PYGO1: variants seen among roughly 807,000 people sequenced by gnomAD.
PYGO1 encodes the protein pygopus family PHD finger 1, also known as pygopus homolog 1.
A neutral mutation model predicts 29.5 loss-of-function variants in PYGO1; 6 were observed. The ratio of observed to expected loss-of-function variants is 0.20; its 90% CI spans 0.11 to 0.40. PYGO1 has a LOEUF of 0.40. PYGO1 is among the 10% of genes least tolerant of loss of function. The pLI, the probability that PYGO1 is intolerant of heterozygous loss-of-function variation, is 1.00. For synonymous variants in PYGO1, 186 were observed against 180.5 expected, an observed-to-expected ratio of 1.03 and a Z score of -0.24; for missense variants, 515 against 514.9, an observed-to-expected ratio of 1.00 and a Z score of 0.00.
intron 1 of PYGO1, among the ~76,000 whole-genome samples, chr15:55,583,661 T>C (rs1289369279): frequency 4.6e-5 from 7 of 151,944 alleles, no homozygotes; most frequent in Non-Finnish European, 1.0e-4. Context: ...GGACTACGGG[T>C]GCACACCACC....
chr15:55,585,758 C>T (rs1177538417), intron 1 of PYGO1, among the ~76,000 whole-genome samples: 1 of 152,150 alleles, frequency 6.6e-6, no homozygotes, highest in Admixed American at 6.5e-5. Context: ...TTGATTAGGA[C>T]TGATAATTCA....
At chr15:55,570,842 A>G (rs1035756344) in intron 1 of PYGO1, among the ~76,000 whole-genome samples, 1 of 152,066 alleles carries the variant, frequency 6.6e-6, no homozygotes, top group African/African-American at 2.4e-5. Context: ...TTTTCCTAAT[A>G]TTTTTATGGC....
At chr15:55,577,690 C>G (rs527263652) in intron 1 of PYGO1, among the ~76,000 whole-genome samples, 2 of 151,862 alleles carry the variant, frequency 1.3e-5, no homozygotes, top group East Asian at 3.9e-4. Flanking sequence ...TGAACATTAT[C>G]ATCATCCCCA....
intron 1 of PYGO1, among the ~76,000 whole-genome samples, chr15:55,559,798 T>C (rs914581121): frequency 1.1e-4 from 16 of 152,170 alleles, no homozygotes; most frequent in African/African-American, 3.9e-4. Flanking sequence ...AATAAAATAC[T>C]GGCAAACCAA....
At chr15:55,575,516 C>A (rs146578634) in intron 1 of PYGO1, among the ~76,000 whole-genome samples, 232 of 152,074 alleles carry the variant, frequency 1.5e-3, no homozygotes, top group African/African-American at 5.3e-3. Context: ...AAATCAATCA[C>A]CCTGTTCACA....
Position 55,588,034 on chromosome 15 carries a change from G to A in PYGO1, c.-151C>T. 8.1e-7 allele frequency: 1 copy of A among 1,234,862 alleles called. No homozygotes were observed. The highest frequency in any genetic ancestry group is 1.0e-6 in the Non-Finnish European group (1 of 985,172). The allele number at this position is 1,234,862 out of a possible 1,614,324, so 76.5% of individuals were successfully genotyped here. ...GCCGAGGGCGGTGGGGACGCGGGCC[G>A]ACTTTGCAAAGTTTGGGAGGAGGAC... On this transcript the variant is annotated 5_prime_UTR_variant, in exon 1 of 3. Transcript: ENST00000563719.
At position 55,587,958 on chromosome 15, in the gene PYGO1, C is replaced by T. The variant is rs2059056271; in HGVS notation, c.-75G>A. Reference sequence around the variant, plus strand: ...TTTGATGCTGCGGCGGCGGCTCCTCCTCCTCGCGGGGCCGCTGCGGCTGCG... The same window carrying T: ...TTTGATGCTGCGGCGGCGGCTCCTCTTCCTCGCGGGGCCGCTGCGGCTGCG... On this transcript the variant is annotated 5_prime_UTR_variant, in exon 1 of 3. Coordinates refer to ENST00000563719, the MANE Select transcript of PYGO1 (RefSeq NM_001367806.1). 1.4e-6 allele frequency: 2 copies of T among 1,438,032 alleles called. No homozygotes were observed. The highest frequency in any genetic ancestry group is 2.3e-5 in the Admixed American group (1 of 43,082). The allele number at this position is 1,438,032 out of a possible 1,614,324, so 89.1% of individuals were successfully genotyped here. A position where few individuals can be genotyped will look rare whatever the true frequency, so the allele number is the denominator to read the frequency against.
At chr15:55,561,753 A>G (rs940304226) in intron 1 of PYGO1, among the ~76,000 whole-genome samples, 5 of 152,196 alleles carry the variant, frequency 3.3e-5, no homozygotes, top group African/African-American at 1.2e-4. Flanking sequence ...TGATAAAAAC[A>G]CTAAAAGAAT....
chr15:55,546,848 A>T lies in PYGO1; in HGVS notation c.435T>A (p.Ala145=), dbSNP rs762960953. 1.8e-5 allele frequency: 29 copies of T among 1,614,016 alleles called. No individual in the cohort carries two copies. The highest frequency in any genetic ancestry group is 2.5e-5 in the Non-Finnish European group (29 of 1,180,018). ...PLGMGFNRPH[A]FNFGPHDNSS... is the part of the protein sequence containing the mutation. ...AATTATCATGTGGCCCAAAGTTAAA[A>T]GCATGAGGTCGATTAAAACCCATGC... Residue 145 remains alanine, a synonymous_variant, in exon 3 of 3, where the codon GCT becomes GCA. Transcript: ENST00000563719.
chr15:55,584,401 G>A (rs2059038320), intron 1 of PYGO1, among the ~76,000 whole-genome samples: 2 of 151,978 alleles, frequency 1.3e-5, no homozygotes, highest in South Asian at 2.1e-4. Context: ...GTGAGCCACT[G>A]CGCCCAGCCA....
rs752841673 is a variant in PYGO1 at position 55,546,140 on chromosome 15, G to A, written c.1143C>T (p.Leu381=). ...ATACTGCAGATGCTTCTGCAGTTAA[G>A]AGGCCATAAGCTGTTTCAGTCATTC... ...CTGMTETAYG[L]LTAEASAVWG... Residue 381 remains leucine, a synonymous_variant, in exon 3 of 3, where the codon CTC becomes CTT. Transcript: ENST00000563719. 5.6e-6 allele frequency: 9 copies of A among 1,614,158 alleles called. No individual in the cohort carries two copies. Among genetic ancestry groups the A allele is most frequent in the Non-Finnish European group, 7.6e-6 (9 of 1,180,024 alleles).
At chr15:55,554,597 A>G (rs1166795961) in intron 1 of PYGO1, among the ~76,000 whole-genome samples, 1 of 152,154 alleles carries the variant, frequency 6.6e-6, no homozygotes, top group Non-Finnish European at 1.5e-5. Context: ...GCATGCTGTA[A>G]CCCAATGCAA....
At chr15:55,571,200 G>C (rs779520824) in intron 1 of PYGO1, among the ~76,000 whole-genome samples, 7 of 152,190 alleles carry the variant, frequency 4.6e-5, no homozygotes, top group Non-Finnish European at 7.4e-5. Flanking sequence ...CTTCCTTTTT[G>C]TGGCTGAATA....
In PYGO1 at chr15:55,546,069, C is replaced by CTAAT; in HGVS notation, c.1213_1214insATTA (p.Arg405HisfsTer2). The CTAAT allele has an allele frequency of 2.5e-6, 4 of 1,614,018 alleles. No homozygotes were observed. The highest frequency in any genetic ancestry group is 3.4e-6 in the Non-Finnish European group (4 of 1,179,938). On this transcript the variant is annotated stop_gained and frameshift_variant, in exon 3 of 3. Transcript: ENST00000563719. LOFTEE classifies it high-confidence loss of function. ...AGATGGACCAAAAGTTTCTCTAGTA[C>CTAAT]GCATTAACTGGACATCTTTGTCAGC...
chr15:55,580,293 T>C (rs1378381961), intron 1 of PYGO1, among the ~76,000 whole-genome samples: 3 of 152,242 alleles, frequency 2.0e-5, no homozygotes, highest in African/African-American at 4.8e-5. Flanking sequence ...TTTTTGTTCA[T>C]TGTTTTCTTT....
intron 1 of PYGO1, among the ~76,000 whole-genome samples, chr15:55,585,571 T>C (rs2141681414): frequency 6.6e-6 from 1 of 152,342 alleles, no homozygotes; most frequent in African/African-American, 2.4e-5. Flanking sequence ...ACTTTTTATT[T>C]TAAAAAGTGT....
At chr15:55,588,680 C>T (rs2059061359), upstream of PYGO1, 2 of 1,077,770 alleles carry the variant, frequency 1.9e-6, no homozygotes, top group Admixed American at 2.1e-5. Context: ...CCGAGAACGC[C>T]CGACCCCGCG....
At chr15:55,560,024 C>T (rs1309070962) in intron 1 of PYGO1, among the ~76,000 whole-genome samples, 3 of 152,050 alleles carry the variant, frequency 2.0e-5, no homozygotes, top group Middle Eastern at 3.2e-3. Flanking sequence ...ATTGAACAAA[C>T]ATACTTAAAA....
chr15:55,553,680 G>T (rs771169858), intron 1 of PYGO1, among the ~76,000 whole-genome samples: 24 of 152,098 alleles, frequency 1.6e-4, no homozygotes, highest in African/African-American at 5.8e-4. Flanking sequence ...CAAAGTGCTG[G>T]GATTACAGGT....
Sources: gnomAD v4.1 joint callset for allele counts (sites outside exome capture counted in the v4.1 genomes callset) on GRCh38, gnomAD v4.1.1 for gene constraint, MANE v1.5 for transcripts, NCBI Gene and HGNC (gene_info 2026-07-23, HGNC 2026-07-21) for gene names.